The following POPDC1 variants were observed in gnomAD, a reference collection of about 807,000 sequenced individuals.
The protein encoded by POPDC1 is popeye domain-containing protein 1.
chr6:105,136,988 G>A, the POPDC1 span: 1 of 152,210 alleles, frequency 6.6e-6, no homozygotes, highest in Non-Finnish European at 1.5e-5. Context: ...CCCTGGCGGG[G>A]AGCCTGGGCA....
chr6:105,122,048 T>C, the POPDC1 span, among the ~76,000 whole-genome samples: 1 of 152,162 alleles, frequency 6.6e-6, no homozygotes, highest in Admixed American at 6.5e-5. Context: ...ACATTTTTCA[T>C]TTGGGAACTT....
the POPDC1 span, among the ~76,000 whole-genome samples, chr6:105,115,219 C>T: frequency 3.3e-5 from 5 of 152,080 alleles, no homozygotes; most frequent in African/African-American, 9.7e-5. Flanking sequence ...CCCGAGTAGC[C>T]AGGACTACAG....
the POPDC1 span, among the ~76,000 whole-genome samples, chr6:105,114,298 T>C: frequency 1.3e-5 from 2 of 152,360 alleles, no homozygotes; most frequent in Non-Finnish European, 2.9e-5. Flanking sequence ...ATTAAATTTG[T>C]ATCCTTTTCT....
chr6:105,108,014 C>A, the POPDC1 span, among the ~76,000 whole-genome samples: 1 of 152,072 alleles, frequency 6.6e-6, no homozygotes, highest in Non-Finnish European at 1.5e-5. Context: ...AGGGCAAATG[C>A]GGAGGTTGAA....
At chr6:105,100,389 A>C in the POPDC1 span, 1 of 152,144 alleles carries the variant, frequency 6.6e-6, no homozygotes, top group Non-Finnish European at 1.5e-5. Context: ...AGGTGCCTGT[A>C]GTCCCAGCTA....
At chr6:105,129,252 C>A in the POPDC1 span, 2 of 848,202 alleles carry the variant, frequency 2.4e-6, no homozygotes, top group South Asian at 2.8e-5. Context: ...AACAGAAAGC[C>A]TAAACTTCAG....
chr6:105,131,591 TG>T, the POPDC1 span, among the ~76,000 whole-genome samples: 3 of 152,090 alleles, frequency 2.0e-5, no homozygotes, highest in Non-Finnish European at 4.4e-5. Flanking sequence ...AATTTTTAAA[TG>T]TTTTGTAGAC....
the POPDC1 span, among the ~76,000 whole-genome samples, chr6:105,124,133 A>C: frequency 1.3e-5 from 2 of 152,122 alleles, no homozygotes; most frequent in Non-Finnish European, 2.9e-5. Flanking sequence ...CTGTAATCCC[A>C]GCACTTTGGG....
At chr6:105,134,023 T>A in the POPDC1 span, among the ~76,000 whole-genome samples, 3 of 152,024 alleles carry the variant, frequency 2.0e-5, no homozygotes, top group African/African-American at 7.2e-5. Context: ...ACAGGAAAAA[T>A]AACTAGAAAA....
At chr6:105,122,197 C>A in the POPDC1 span, among the ~76,000 whole-genome samples, 1 of 152,188 alleles carries the variant, frequency 6.6e-6, no homozygotes, top group African/African-American at 2.4e-5. Flanking sequence ...ATGGCTCCAG[C>A]TATACAGGAC....
At chr6:105,108,192 AAAG>A in the POPDC1 span, among the ~76,000 whole-genome samples, 8 of 152,200 alleles carry the variant, frequency 5.3e-5, no homozygotes, top group Admixed American at 1.3e-4. Flanking sequence ...TCCTGCTCAC[AAAG>A]AAGAAGATAC....
At chr6:105,106,263 G>A in the POPDC1 span, among the ~76,000 whole-genome samples, 11 of 152,094 alleles carry the variant, frequency 7.2e-5, no homozygotes, top group Non-Finnish European at 4.4e-5. Flanking sequence ...TACACCAAGT[G>A]GCAAAAAAGT....
At chr6:105,127,297 G>A in the POPDC1 span, among the ~76,000 whole-genome samples, 1 of 152,140 alleles carries the variant, frequency 6.6e-6, no homozygotes, top group Non-Finnish European at 1.5e-5. Flanking sequence ...GATCATATCA[G>A]CAACTTCTGA....
At chr6:105,120,266 A>T in the POPDC1 span, among the ~76,000 whole-genome samples, 1 of 141,062 alleles carries the variant, frequency 7.1e-6, no homozygotes, top group Non-Finnish European at 1.6e-5. Context: ...TCAAAAAAAA[A>T]AAAAAAAAAA....
chr6:105,106,601 C>T, the POPDC1 span, among the ~76,000 whole-genome samples: 1 of 152,164 alleles, frequency 6.6e-6, no homozygotes, highest in African/African-American at 2.4e-5. Context: ...CAGAACTGTT[C>T]AGATGGCAGC....
the POPDC1 span, chr6:105,129,535 A>C: frequency 3.1e-6 from 5 of 1,589,914 alleles, no homozygotes; most frequent in Non-Finnish European, 3.4e-6. Flanking sequence ...ACGTTAGATA[A>C]TCTAGAAGAG....
chr6:105,133,695 C>T, the POPDC1 span: 1 of 748,940 alleles, frequency 1.3e-6, no homozygotes, highest in Non-Finnish European at 2.1e-6. Context: ...ATAGACTTCT[C>T]TAGTGCTTAT....
At chr6:105,136,340 G>T in the POPDC1 span, 4 of 152,232 alleles carry the variant, frequency 2.6e-5, no homozygotes, top group African/African-American at 4.8e-5. Flanking sequence ...CCAGCCATCG[G>T]CGCTCTCCCG....
the POPDC1 span, chr6:105,137,136 C>T: frequency 6.6e-6 from 1 of 151,822 alleles, no homozygotes; most frequent in African/African-American, 2.4e-5. Context: ...GCCGGGTCCC[C>T]AAGCCCGCAG....
Sources: allele counts gnomAD v4.1 joint callset (sites outside exome capture counted in the v4.1 genomes callset), GRCh38; gene constraint gnomAD v4.1.1; transcripts MANE v1.5; gene names NCBI Gene and HGNC (gene_info 2026-07-23, HGNC 2026-07-21).